CNTN4: variants seen among roughly 807,000 people sequenced by gnomAD.
The protein encoded by CNTN4 is contactin 4, also known as contactin-4.
A neutral mutation model predicts 122.5 loss-of-function variants in CNTN4; 77 were observed. The ratio of observed to expected loss-of-function variants is 0.63; its 90% confidence interval spans 0.52 to 0.76. The LOEUF (loss-of-function observed/expected upper bound fraction) is 0.76. Among genes scored for constraint, CNTN4 ranks in the 30% least tolerant of loss-of-function variants. The probability of loss-of-function intolerance (pLI) is 0.00; values close to 1 mark genes in which losing one functional copy is unlikely to be tolerated. For synonymous variants in CNTN4, 512 were observed against 447.0 expected (o/e 1.15, Z -1.83); for missense variants, 1,256 against 1,259.1 (o/e 1.00, Z 0.04).
intron 3 of CNTN4, among the ~76,000 whole-genome samples, chr3:2,531,597 G>C (rs2077598795): frequency 6.6e-6 from 1 of 152,078 alleles, no homozygotes; most frequent in South Asian, 2.1e-4. Flanking sequence ...ATTGCCATTG[G>C]ATGTCCATTT....
intron 4 of CNTN4, among the ~76,000 whole-genome samples, chr3:2,697,953 A>G (rs960304572): frequency 6.6e-6 from 1 of 152,140 alleles, no homozygotes; most frequent in African/African-American, 2.4e-5. Context: ...GCTTTATACT[A>G]CTGATTTAAA....
At chr3:2,302,919 C>T (rs1413273763) in intron 2 of CNTN4, among the ~76,000 whole-genome samples, 4 of 152,140 alleles carry the variant, frequency 2.6e-5, no homozygotes, top group Non-Finnish European at 5.9e-5. Flanking sequence ...CCATGAGGTG[C>T]CCTTTTGTGG....
chr3:2,310,319 A>AG (rs2042868794), intron 2 of CNTN4, among the ~76,000 whole-genome samples: 1 of 152,282 alleles, frequency 6.6e-6, no homozygotes, highest in African/African-American at 2.4e-5. Flanking sequence ...AAAGTCCCCC[A>AG]GGCTAACATT....
At chr3:2,736,129 A>G in intron 4 of CNTN4, 86 bp from the exon 5 acceptor site, 16 of 1,352,952 alleles carry the variant, frequency 1.2e-5, no homozygotes, top group Non-Finnish European at 1.6e-5. Context: ...ATTTCTTTCT[A>G]TTATTTTCCT....
chr3:2,960,867 G>T (rs73116632), intron 13 of CNTN4, among the ~76,000 whole-genome samples: 1 of 151,936 alleles, frequency 6.6e-6, no homozygotes, highest in African/African-American at 2.4e-5. Flanking sequence ...AAATGATTTT[G>T]AAAGTCCTTG....
chr3:2,674,796 C>T (rs62232714), intron 4 of CNTN4, among the ~76,000 whole-genome samples: 1 of 150,688 alleles, frequency 6.6e-6, no homozygotes, highest in African/African-American at 2.4e-5. Context: ...AAAAAAAAAC[C>T]ATTAACTGTG....
rs547411246 is a variant in CNTN4, at chr3:2,981,234, G to A, written c.1359-7111G>A. Among the ~76,000 whole-genome samples the A allele has an allele frequency of 4.4e-3, 673 of 152,200 alleles. 4 individuals are homozygous for A. The highest frequency in any genetic ancestry group is 0.015 in the African/African-American group (608 of 41,514). Reference sequence around the variant, plus strand: ...CCGAGGCAGGCAGATCACGAGGTCAGGAGATCGAGACCATCCTGGCTAACA... The same window carrying A: ...CCGAGGCAGGCAGATCACGAGGTCAAGAGATCGAGACCATCCTGGCTAACA... On this transcript the variant is annotated intron_variant, in intron 13 of 24. Transcript: ENST00000418658.
chr3:2,560,721 G>A (rs954368531), intron 3 of CNTN4, among the ~76,000 whole-genome samples: 7 of 152,120 alleles, frequency 4.6e-5, no homozygotes, highest in African/African-American at 1.4e-4. Flanking sequence ...TTTGTGCACT[G>A]TTGCAGCCCT....
At chr3:3,034,597 A>C (rs78024078) in intron 16 of CNTN4, 35 bp from the exon 17 acceptor site, 11 of 1,611,758 alleles carry the variant, frequency 6.8e-6, no homozygotes, top group Middle Eastern at 1.7e-4. Flanking sequence ...GTTTGAATAC[A>C]CTGCTCCAAT....
chr3:2,223,576 G>T (rs2039147416), intron 2 of CNTN4, among the ~76,000 whole-genome samples: 2 of 152,124 alleles, frequency 1.3e-5, no homozygotes, highest in African/African-American at 2.4e-5. Context: ...AGTTGACAGA[G>T]TAGGCCTGAT....
chr3:2,700,415 G>C (rs941945708), intron 4 of CNTN4, among the ~76,000 whole-genome samples: 3 of 152,140 alleles, frequency 2.0e-5, no homozygotes, highest in Admixed American at 6.6e-5. Flanking sequence ...GCATGATTTG[G>C]TTTGTAAGCA....
chr3:2,469,381 G>C (rs2075609793), intron 3 of CNTN4, among the ~76,000 whole-genome samples: 1 of 152,160 alleles, frequency 6.6e-6, no homozygotes, highest in Admixed American at 6.5e-5. Flanking sequence ...TGATTTTCTA[G>C]CAGGTGCTCA....
intron 3 of CNTN4, among the ~76,000 whole-genome samples, chr3:2,405,614 G>C (rs1197016636): frequency 6.6e-6 from 1 of 151,732 alleles, no homozygotes; most frequent in Non-Finnish European, 1.5e-5. Context: ...TAGATAGATA[G>C]ATAGATAGAT....
chr3:2,665,270 G>A (rs1276108173), intron 4 of CNTN4, among the ~76,000 whole-genome samples: 4 of 152,240 alleles, frequency 2.6e-5, no homozygotes, highest in East Asian at 1.9e-4. Flanking sequence ...TTATTAGCAC[G>A]TTAGTGGAGT....
chr3:2,610,451 C>G (rs1012311345), intron 4 of CNTN4, among the ~76,000 whole-genome samples: 2 of 152,190 alleles, frequency 1.3e-5, no homozygotes, highest in Middle Eastern at 3.2e-3. Flanking sequence ...TTCAGTCAGT[C>G]AGTTCTGACA....
intron 2 of CNTN4, among the ~76,000 whole-genome samples, chr3:2,271,473 C>T (rs2041294714): frequency 6.6e-6 from 1 of 152,084 alleles, no homozygotes; most frequent in South Asian, 2.1e-4. Context: ...CTCTTTGCCT[C>T]CATTTCTTCA....
intron 6 of CNTN4, among the ~76,000 whole-genome samples, chr3:2,793,244 T>C (rs941055607): frequency 1.3e-5 from 2 of 152,008 alleles, no homozygotes; most frequent in African/African-American, 2.4e-5. Context: ...CTTCTGCTTG[T>C]TTCTCCAAAG....
At chr3:2,650,947 A>G (rs887182721) in intron 4 of CNTN4, among the ~76,000 whole-genome samples, 7 of 152,190 alleles carry the variant, frequency 4.6e-5, no homozygotes, top group African/African-American at 1.4e-4. Flanking sequence ...CTATGAATGT[A>G]TGAAATTTCA....
intron 3 of CNTN4, among the ~76,000 whole-genome samples, chr3:2,487,083 A>G (rs530264924): frequency 2.1e-4 from 32 of 152,298 alleles, no homozygotes; most frequent in African/African-American, 7.7e-4. Context: ...CTTTTGAGGC[A>G]TCACTAGGGA....
Sources: allele counts gnomAD v4.1 joint callset (sites outside exome capture counted in the v4.1 genomes callset), GRCh38; gene constraint gnomAD v4.1.1; transcripts MANE v1.5; gene names NCBI Gene and HGNC (gene_info 2026-07-23, HGNC 2026-07-21).